Variants in CCNF observed in about 807,000 individuals in gnomAD.
CCNF encodes cyclin F.
In CCNF, 30 loss-of-function variants were observed where a neutral mutation model predicts 85.4. The observed-to-expected ratio is 0.35, with a 90% CI of 0.26 to 0.48. The LOEUF (loss-of-function observed/expected upper bound fraction) is 0.48, where lower values mean the gene tolerates loss of function less well. Ranked by LOEUF, CCNF falls within the 20% of genes least tolerant of loss-of-function variation. The pLI is 0.99. For missense variants in CCNF, 919 were observed against 1,010.4 expected (o/e 0.91, Z 1.23); for synonymous variants, 439 against 425.1 (o/e 1.03, Z -0.40).
chr16:2,450,336 TAAAAAAAAAA>T (rs869044588), intron 13 of CCNF, among the ~76,000 whole-genome samples: 2 of 65,940 alleles, frequency 3.0e-5, no homozygotes, highest in African/African-American at 1.4e-4. Flanking sequence ...CTGTCTCTAC[TAAAAAAAAAA>T]AAAAAAAAAA....
chr16:2,429,593 C>A (rs1210629473), intron 1 of CCNF, 96 bp downstream of exon 1: 3 of 1,133,888 alleles, frequency 2.6e-6, no homozygotes, highest in Non-Finnish European at 3.3e-6. Flanking sequence ...GAGGCCCTGG[C>A]GGCCTGAAGA....
intron 13 of CCNF, among the ~76,000 whole-genome samples, chr16:2,450,178 G>A (rs2065386507): frequency 6.6e-6 from 1 of 151,004 alleles, no homozygotes; most frequent in South Asian, 2.1e-4. Flanking sequence ...CTGGACTCCA[G>A]CCTGGGTGAC....
Position 2,452,608 on chromosome 16 carries a change from A to G in CCNF, c.1488-602A>G, listed in dbSNP as rs997560496. 1 of 152,696 alleles carries G rather than the reference A, an allele frequency of 6.5e-6. No homozygotes were observed. 9.5% of individuals were successfully genotyped at this position (152,696 alleles called of 1,614,324 possible). A position where few individuals can be genotyped will look rare whatever the true frequency, so the allele number is the denominator to read the frequency against. Reference sequence around the variant, plus strand: ...TGATTTAACGGGCTTTTATTCACACAGTTGTGCTTGTCATCACAACAATCA... The same window carrying G: ...TGATTTAACGGGCTTTTATTCACACGGTTGTGCTTGTCATCACAACAATCA... On this transcript the variant is annotated intron_variant, in intron 13 of 16. Transcript: ENST00000397066. The surrounding 1 kb of genome is among the most constrained non-coding windows in gnomAD (Gnocchi z 4.1).
At chr16:2,450,397 G>C (rs373805200) in intron 13 of CCNF, among the ~76,000 whole-genome samples, 214 of 146,208 alleles carry the variant, frequency 1.5e-3, no homozygotes, top group African/African-American at 5.1e-3. Context: ...TGCAATCCCA[G>C]CTACTCAGGA....
chr16:2,446,402 C>T (rs1169786589), intron 10 of CCNF, among the ~76,000 whole-genome samples: 1 of 152,256 alleles, frequency 6.6e-6, no homozygotes, highest in Non-Finnish European at 1.5e-5. Context: ...GAGCCCACTC[C>T]AGCCACGTGG....
chr16:2,455,349 C>T lies in CCNF; in HGVS notation c.1716-46C>T, dbSNP rs112566974. The T allele has an allele frequency of 1.7e-3, 2,607 of 1,502,848 alleles. 43 individuals are homozygous for T. The African/African-American group carries it at 0.031, about 18-fold the overall frequency. The allele number at this position is 1,502,848 out of a possible 1,614,324, so 93.1% of individuals were successfully genotyped here. ...AGGTGTGGAGGGCCTGGCCTCCCAG[C>T]GCCGCCGTCCATGACTGGGTCTCCT... On this transcript the variant is annotated intron_variant, in intron 15 of 16. Coordinates refer to ENST00000397066, the MANE Select transcript of CCNF (RefSeq NM_001761.3).
At position 2,445,539 on chromosome 16, in the gene CCNF, T is replaced by C; in HGVS notation, c.1011T>C (p.Cys337=). 2 of 1,614,084 alleles carry C rather than the reference T, an allele frequency of 1.2e-6. No homozygotes were observed. The highest frequency in any genetic ancestry group is 1.1e-5 in the South Asian group (1 of 91,080). Residue 337 remains cysteine (C), a synonymous_variant, in exon 10 of 17, where the codon TGT becomes TGC. Coordinates refer to ENST00000397066, the MANE Select transcript of CCNF (RefSeq NM_001761.3). The part of the protein sequence containing the change: ...TSLCLHLTVE[C]VDRYLRRRLV... ...TGTGCCTGCACCTGACCGTGGAGTG[T>C]GTGGACCGGTACCTGCGGAGGAGGC...
At chr16:2,438,340 C>T (rs777158941) in intron 6 of CCNF, among the ~76,000 whole-genome samples, 3 of 152,162 alleles carry the variant, frequency 2.0e-5, no homozygotes, top group Admixed American at 1.3e-4. Context: ...GAGTGGGGGA[C>T]GGTGAGAACA....
intron 3 of CCNF, among the ~76,000 whole-genome samples, chr16:2,435,272 GA>G (rs796446094): frequency 0.011 from 1,327 of 122,480 alleles, 7 homozygotes; most frequent in Middle Eastern, 0.047. Flanking sequence ...GAAAAGAAAA[GA>G]AAAAAAAAAA....
chr16:2,457,038 C>T lies in CCNF; in HGVS notation c.*18C>T, dbSNP rs1467593180. 4.5e-6 allele frequency: 7 copies of T among 1,546,712 alleles called. No individual in the cohort carries two copies. Among genetic ancestry groups the T allele is most frequent in the Non-Finnish European group, 6.1e-6 (7 of 1,138,370 alleles). On this transcript the variant is annotated 3_prime_UTR_variant, in exon 17 of 17. Coordinates refer to ENST00000397066, the MANE Select transcript of CCNF (RefSeq NM_001761.3). ...GGCTGTAAGTGTGTCAGCACATTTG[C>T]CGCAGTGGATGTGTACTGAGGGGGC...
intron 3 of CCNF, among the ~76,000 whole-genome samples, chr16:2,434,221 G>T (rs953316362): frequency 6.6e-6 from 1 of 152,174 alleles, no homozygotes; most frequent in Non-Finnish European, 1.5e-5. Context: ...CATGAGAATT[G>T]CTTAAACCCA....
rs1284114595 is a variant in CCNF at position 2,432,929 on chromosome 16, AT to A, written c.172-31del. On this transcript the variant is annotated intron_variant, in intron 2 of 16. Coordinates refer to ENST00000397066, the MANE Select transcript of CCNF (RefSeq NM_001761.3). ...TGTGGGGCTTTTGGGTGGTGCCTCC[AT>A]CACCCAGCCCCGGCCCCCGTTGTTC... 4 of 1,420,736 alleles carry A rather than the reference AT, an allele frequency of 2.8e-6. No individual in the cohort carries two copies. The African/African-American group carries it at 5.6e-5, about 20-fold the overall frequency. The allele number at this position is 1,420,736 out of a possible 1,614,324, so 88.0% of individuals were successfully genotyped here.
Position 2,448,325 on chromosome 16 carries a change from G to A in CCNF, c.1095-530G>A, listed in dbSNP as rs145199301. 2.7e-3 allele frequency among the ~76,000 whole-genome samples: 406 copies of A among 152,332 alleles called. 1 individual carries two copies. The highest frequency in any genetic ancestry group is 4.1e-3 in the Non-Finnish European group (281 of 68,032). On this transcript the variant is annotated intron_variant, in intron 10 of 16. Transcript: ENST00000397066. ...GCCTTTTGCAGACATTTGTGAGTCT[G>A]CCTAACAGCCTTGCTGCTTTCTGTC... is the stretch of plus-strand genomic sequence containing the variant.
intron 1 of CCNF, among the ~76,000 whole-genome samples, chr16:2,429,798 C>T (rs1361420698): frequency 2.1e-5 from 3 of 141,384 alleles, no homozygotes; most frequent in South Asian, 4.2e-4. Context: ...GGTCCCGGGG[C>T]GGCGATCGGG....
intron 2 of CCNF, among the ~76,000 whole-genome samples, chr16:2,432,398 AC>A (rs1210092996): frequency 1.3e-5 from 2 of 152,014 alleles, no homozygotes; most frequent in Admixed American, 1.3e-4. Flanking sequence ...CACTTTATGG[AC>A]CCCAGGGGGT....
At chr16:2,449,094 C>G in intron 11 of CCNF, 116 bp downstream of exon 11, 1 of 1,498,770 alleles carries the variant, frequency 6.7e-7, no homozygotes. Context: ...GAGCAGCTGT[C>G]TCTGCTGTGC....
In CCNF at chr16:2,456,160, TG is replaced by T. The variant is rs563541314; in HGVS notation, c.1886-384del. The T allele has an allele frequency of 5.7e-5, 11 of 194,528 alleles. No homozygotes were observed. Among genetic ancestry groups the T allele is most frequent in the African/African-American group, 2.6e-4 (11 of 42,924 alleles). 12.1% of individuals were successfully genotyped at this position (194,528 alleles called of 1,614,324 possible). A position where few individuals can be genotyped will look rare whatever the true frequency, so the allele number is the denominator to read the frequency against. On this transcript the variant is annotated intron_variant, in intron 16 of 16. Coordinates refer to ENST00000397066, the MANE Select transcript of CCNF (RefSeq NM_001761.3). This position sits in a 1 kb window ranked among gnomAD's most constrained non-coding sequence, Gnocchi z 4.5. Reference sequence around the variant, plus strand: ...TGGGCGTTCTTTCTAGAATGTTGTTTGAGGTGTGCCCACGTGGTATACGTGA... The same window carrying T: ...TGGGCGTTCTTTCTAGAATGTTGTTTAGGTGTGCCCACGTGGTATACGTGA...
intron 8 of CCNF, 105 bp from the exon 9 acceptor site, chr16:2,443,544 C>A (rs1039699003): frequency 9.5e-7 from 1 of 1,050,382 alleles, no homozygotes; most frequent in Non-Finnish European, 1.4e-6. Context: ...TTAAGTAGGG[C>A]AGTGTGTCCA....
chr16:2,444,862 G>A (rs2065352783), intron 9 of CCNF, among the ~76,000 whole-genome samples: 1 of 151,138 alleles, frequency 6.6e-6, no homozygotes, highest in Non-Finnish European at 1.5e-5. Flanking sequence ...CTCCCACAGT[G>A]CAGTGATCTT....
Sources: allele counts gnomAD v4.1 joint callset (sites outside exome capture counted in the v4.1 genomes callset), GRCh38; gene constraint gnomAD v4.1.1; non-coding constraint Gnocchi (gnomAD v3.1); transcripts MANE v1.5; gene names NCBI Gene and HGNC (gene_info 2026-07-23, HGNC 2026-07-21).